The following DOK6 variants were observed in gnomAD, a reference collection of about 807,000 sequenced individuals.
The protein encoded by DOK6 is downstream of tyrosine kinase 6.
A neutral mutation model predicts 44.0 loss-of-function variants in DOK6; 22 were observed. The observed-to-expected ratio is 0.50, with a 90% confidence interval of 0.36 to 0.71. The LOEUF (loss-of-function observed/expected upper bound fraction) is 0.71. Among genes scored for constraint, DOK6 ranks in the 30% least tolerant of loss-of-function variants. The pLI, the probability that DOK6 is intolerant of heterozygous loss-of-function variation, is 0.00. For synonymous variants in DOK6, 166 were observed against 145.5 expected, an observed-to-expected ratio of 1.14 and a Z score of -1.01; for missense variants, 340 against 416.4, an observed-to-expected ratio of 0.82 and a Z score of 1.60.
intron 3 of DOK6, among the ~76,000 whole-genome samples, chr18:69,603,939 T>A (rs1380866595): frequency 2.6e-5 from 4 of 152,142 alleles, no homozygotes; most frequent in African/African-American, 9.7e-5. Context: ...AAAACATTTA[T>A]AAAGAAATAG....
At chr18:69,650,485 A>G (rs1158833452) in intron 3 of DOK6, among the ~76,000 whole-genome samples, 2 of 152,228 alleles carry the variant, frequency 1.3e-5, no homozygotes, top group Non-Finnish European at 2.9e-5. Context: ...GGAAATGCCT[A>G]GATATTGCTT....
chr18:69,500,881 A>G (rs1234312866), intron 1 of DOK6, among the ~76,000 whole-genome samples: 1 of 152,166 alleles, frequency 6.6e-6, no homozygotes, highest in Non-Finnish European at 1.5e-5. Context: ...AACTGTCACC[A>G]TTAAGACAGC....
intron 5 of DOK6, among the ~76,000 whole-genome samples, chr18:69,713,908 A>G (rs190908664): frequency 1.3e-3 from 200 of 152,306 alleles, no homozygotes; most frequent in African/African-American, 4.6e-3. Context: ...CTCTAAGCTC[A>G]TCAGTACTCC....
At chr18:69,561,575 A>G (rs907063632) in intron 1 of DOK6, among the ~76,000 whole-genome samples, 11 of 152,132 alleles carry the variant, frequency 7.2e-5, no homozygotes, top group African/African-American at 2.4e-4. Flanking sequence ...TTTATGTAGA[A>G]AGAACACCAG....
chr18:69,664,449 T>G (rs1985605619), intron 3 of DOK6, among the ~76,000 whole-genome samples: 1 of 152,220 alleles, frequency 6.6e-6, no homozygotes, highest in Non-Finnish European at 1.5e-5. Flanking sequence ...ATTATACTTT[T>G]TATGCTCCTC....
At chr18:69,644,127 A>G (rs550998962) in intron 3 of DOK6, among the ~76,000 whole-genome samples, 3 of 152,136 alleles carry the variant, frequency 2.0e-5, no homozygotes, top group South Asian at 4.1e-4. Flanking sequence ...TTGATGTTGG[A>G]GAGTTCTTTA....
chr18:69,422,074 C>T (rs1599123327), intron 1 of DOK6, among the ~76,000 whole-genome samples: 1 of 152,146 alleles, frequency 6.6e-6, no homozygotes, highest in Non-Finnish European at 1.5e-5. Context: ...TAACGGTTTC[C>T]AGCCCTTCCT....
At chr18:69,495,043 C>T (rs1042103791) in intron 1 of DOK6, among the ~76,000 whole-genome samples, 12 of 152,224 alleles carry the variant, frequency 7.9e-5, no homozygotes, top group South Asian at 2.1e-4. Flanking sequence ...TGCACAGTCA[C>T]GCATGCTGGC....
At chr18:69,741,740 A>C (rs1409070295) in intron 6 of DOK6, among the ~76,000 whole-genome samples, 1 of 152,108 alleles carries the variant, frequency 6.6e-6, no homozygotes, top group Non-Finnish European at 1.5e-5. Context: ...CAAGCAGTCC[A>C]ACTTCCTTGG....
At chr18:69,840,793 T>C (rs112167423) in intron 7 of DOK6, among the ~76,000 whole-genome samples, 1,916 of 152,336 alleles carry the variant, frequency 0.013, 40 homozygotes, top group African/African-American at 0.043. Flanking sequence ...ACAGCTTGCC[T>C]GTTCCCAGAG....
In DOK6 at chr18:69,599,410, T is replaced by G. The variant is rs753261946; in HGVS notation, c.201T>G (p.Asn67Lys). 7.4e-6 allele frequency: 12 copies of G among 1,613,566 alleles called. No individual in the cohort carries two copies. Among genetic ancestry groups the G allele is most frequent in the Non-Finnish European group, 1.0e-5 (12 of 1,179,870 alleles). Reference protein sequence around the residue: ...HKVTELHNIKNITRLPRETKK... With the variant: ...HKVTELHNIKKITRLPRETKK... The stretch of plus-strand genomic sequence containing the variant: ...TAACTGAACTGCACAATATCAAAAA[T>G]ATAACCAGACTGCCCCGAGAGACAA... The change falls in exon 3 of 8, where the codon AAT becomes AAG. Residue 67 changes from asparagine (N) to lysine (K), a missense_variant. Physicochemically the swap from Asn to Lys is moderately conservative, Grantham distance 94. Transcript: ENST00000382713.
intron 1 of DOK6, among the ~76,000 whole-genome samples, chr18:69,478,156 G>T (rs904949812): frequency 4.6e-5 from 7 of 152,142 alleles, no homozygotes; most frequent in Non-Finnish European, 1.0e-4. Context: ...ACTCCCATTA[G>T]CTCAGTGTGG....
chr18:69,567,202 G>T (rs1397116614), intron 2 of DOK6, among the ~76,000 whole-genome samples: 7 of 152,146 alleles, frequency 4.6e-5, no homozygotes, highest in Non-Finnish European at 1.0e-4. Flanking sequence ...CATGAATGTA[G>T]CACTGGGCCA....
At chr18:69,569,843 G>A (rs1392943123) in intron 2 of DOK6, among the ~76,000 whole-genome samples, 2 of 152,008 alleles carry the variant, frequency 1.3e-5, no homozygotes, top group African/African-American at 4.8e-5. Flanking sequence ...ACACCATATG[G>A]TACATATGGA....
chr18:69,488,974 T>G (rs1980661875), intron 1 of DOK6, among the ~76,000 whole-genome samples: 1 of 152,204 alleles, frequency 6.6e-6, no homozygotes, highest in African/African-American at 2.4e-5. Flanking sequence ...TTGGCTCAGC[T>G]CTTATTGATG....
chr18:69,764,284 G>A (rs142557618), intron 7 of DOK6, among the ~76,000 whole-genome samples: 30 of 152,270 alleles, frequency 2.0e-4, no homozygotes, highest in African/African-American at 6.3e-4. Context: ...AGTGCCCAAT[G>A]AGCAGGTTTA....
At chr18:69,413,893 A>T (rs529193825) in intron 1 of DOK6, among the ~76,000 whole-genome samples, 5 of 152,018 alleles carry the variant, frequency 3.3e-5, no homozygotes, top group East Asian at 3.9e-4. Context: ...TGTACAGTAA[A>T]TTTTTAAAAA....
At chr18:69,548,129 AT>A (rs1982457697) in intron 1 of DOK6, among the ~76,000 whole-genome samples, 2 of 150,038 alleles carry the variant, frequency 1.3e-5, no homozygotes, top group Non-Finnish European at 3.0e-5. Context: ...AATTTTTTGT[AT>A]TTTTAGTAGA....
At chr18:69,755,281 T>C (rs192879345) in intron 6 of DOK6, among the ~76,000 whole-genome samples, 113 of 152,264 alleles carry the variant, frequency 7.4e-4, no homozygotes, top group African/African-American at 2.6e-3. Flanking sequence ...TCCCTGATGC[T>C]TAAAACTGAC....
Sources: gnomAD v4.1 joint callset for allele counts (sites outside exome capture counted in the v4.1 genomes callset) on GRCh38, gnomAD v4.1.1 for gene constraint, MANE v1.5 for transcripts, NCBI Gene and HGNC (gene_info 2026-07-23, HGNC 2026-07-21) for gene names.